Variants in IL5RA observed in about 807,000 individuals in gnomAD.
IL5RA encodes interleukin 5 receptor subunit alpha.
In IL5RA, 49 loss-of-function variants were observed where a neutral mutation model predicts 50.0. The observed-to-expected ratio is 0.98, with a 90% CI of 0.78 to 1.24. The LOEUF is 1.24. IL5RA is among the 50% of genes most tolerant of loss of function. The pLI, the probability that IL5RA is intolerant of heterozygous loss-of-function variation, is 0.00. For synonymous variants in IL5RA, 202 were observed against 174.0 expected, an observed-to-expected ratio of 1.16 and a Z score of -1.26; for missense variants, 600 against 500.4, an observed-to-expected ratio of 1.20 and a Z score of -1.90.
At chr3:3,088,811 A>T (rs766312464) in intron 9 of IL5RA, among the ~76,000 whole-genome samples, 18 of 152,348 alleles carry the variant, frequency 1.2e-4, no homozygotes, top group Non-Finnish European at 1.8e-4. Context: ...AGAAATAGCA[A>T]TAGTTTTGAG....
intron 2 of IL5RA, 36 bp from the exon 3 acceptor site, chr3:3,105,023 T>C: frequency 7.2e-7 from 1 of 1,398,462 alleles, no homozygotes; most frequent in Non-Finnish European, 1.0e-6. Context: ...AATCATCTTG[T>C]TGCTATTTTT....
At chr3:3,084,973 G>A (rs868209202) in intron 9 of IL5RA, among the ~76,000 whole-genome samples, 1 of 152,268 alleles carries the variant, frequency 6.6e-6, no homozygotes, top group Non-Finnish European at 1.5e-5. Flanking sequence ...AGAGGTGGCT[G>A]CGCCTGAAAG....
intron 8 of IL5RA, among the ~76,000 whole-genome samples, chr3:3,094,259 C>T (rs1050023825): frequency 4.6e-5 from 7 of 152,298 alleles, no homozygotes; most frequent in Non-Finnish European, 4.4e-5. Context: ...ACCCATTAAA[C>T]AATACCTCTC....
At chr3:3,090,187 G>A (rs1258488133) in intron 9 of IL5RA, 6 of 1,607,724 alleles carry the variant, frequency 3.7e-6, no homozygotes, top group Non-Finnish European at 3.4e-6. Context: ...TGCTATCCCT[G>A]CTGTTGTTTT....
At chr3:3,088,276 A>T (rs1702952942) in intron 9 of IL5RA, among the ~76,000 whole-genome samples, 1 of 152,164 alleles carries the variant, frequency 6.6e-6, no homozygotes, top group South Asian at 2.1e-4. Flanking sequence ...TGAATGGCAG[A>T]GGTGGAAGCA....
chr3:3,087,663 G>T (rs1295485103), intron 9 of IL5RA, among the ~76,000 whole-genome samples: 5 of 151,500 alleles, frequency 3.3e-5, no homozygotes, highest in African/African-American at 7.3e-5. Context: ...ACTATGAAAG[G>T]GTTGATATTT....
intron 9 of IL5RA, among the ~76,000 whole-genome samples, chr3:3,090,546 CTTT>C (rs10711626): frequency 7.6e-6 from 1 of 131,612 alleles, no homozygotes; most frequent in African/African-American, 2.9e-5. Flanking sequence ...TTTGAATTTT[CTTT>C]TTTTTTTTTT....
chr3:3,091,029 G>C (rs775321461), intron 9 of IL5RA, among the ~76,000 whole-genome samples: 40 of 152,108 alleles, frequency 2.6e-4, no homozygotes, highest in Non-Finnish European at 4.3e-4. Context: ...TGACAGAGAC[G>C]ATGCCCATCT....
At chr3:3,086,240 G>A (rs1702857412) in intron 9 of IL5RA, among the ~76,000 whole-genome samples, 1 of 152,140 alleles carries the variant, frequency 6.6e-6, no homozygotes, top group African/African-American at 2.4e-5. Context: ...TATGACTATG[G>A]AAAAATTTAT....
chr3:3,102,020 C>T (rs1047847323), intron 4 of IL5RA, among the ~76,000 whole-genome samples, 190 bp from the exon 5 acceptor site: 3 of 152,142 alleles, frequency 2.0e-5, no homozygotes, highest in Admixed American at 6.5e-5. Flanking sequence ...GACACATGAA[C>T]GCATTATTCT....
chr3:3,088,427 G>A (rs1037032301), intron 9 of IL5RA, among the ~76,000 whole-genome samples: 22 of 152,294 alleles, frequency 1.4e-4, no homozygotes, highest in Admixed American at 7.8e-4. Context: ...AGGAGATCAC[G>A]ATTCCTTCTG....
At chr3:3,109,122 T>C (rs1353978073) in intron 1 of IL5RA, among the ~76,000 whole-genome samples, 1 of 152,124 alleles carries the variant, frequency 6.6e-6, no homozygotes, top group Non-Finnish European at 1.5e-5. Context: ...TAAAATATTC[T>C]CGCTCTGTCT....
intron 7 of IL5RA, among the ~76,000 whole-genome samples, chr3:3,096,651 T>C (rs981278868): frequency 3.9e-5 from 6 of 152,216 alleles, no homozygotes; most frequent in Admixed American, 3.3e-4. Context: ...CATATTAATA[T>C]CATTGTTTCC....
chr3:3,099,689 G>T (rs1316756822), intron 5 of IL5RA, among the ~76,000 whole-genome samples: 1 of 69,396 alleles, frequency 1.4e-5, no homozygotes, highest in Non-Finnish European at 3.1e-5. Flanking sequence ...ATTATTATTT[G>T]GAAACAGAGT....
At chr3:3,077,629 C>T (rs1393932955) in intron 9 of IL5RA, among the ~76,000 whole-genome samples, 1 of 152,054 alleles carries the variant, frequency 6.6e-6, no homozygotes, top group East Asian at 1.9e-4. Flanking sequence ...ATTAGCCAGG[C>T]GTGGTGGCAG....
intron 8 of IL5RA, among the ~76,000 whole-genome samples, chr3:3,093,295 T>C (rs1703212229): frequency 6.6e-6 from 1 of 151,898 alleles, no homozygotes; most frequent in Admixed American, 6.5e-5. Flanking sequence ...AGCATAAAGT[T>C]ACTCCTTTTC....
chr3:3,072,781 G>A (rs367619813), intron 11 of IL5RA, among the ~76,000 whole-genome samples: 53 of 152,240 alleles, frequency 3.5e-4, no homozygotes, highest in East Asian at 1.7e-3. Flanking sequence ...GCGTGGTGGC[G>A]GGCACCTGTA....
At chr3:3,097,525 G>A (rs1008960203) in intron 7 of IL5RA, among the ~76,000 whole-genome samples, 1 of 152,062 alleles carries the variant, frequency 6.6e-6, no homozygotes, top group Non-Finnish European at 1.5e-5. Context: ...TTCTCAACTG[G>A]GGGAAATTTT....
rs1242300332 is a variant in IL5RA at position 3,108,647 on chromosome 3, C to G, written c.-101G>C. ...ATGCTCGTGGCTGCAACCCCAGCAT[C>G]TAGCATAGCGTCAGGCACAGGACCA... On this transcript the variant is annotated 5_prime_UTR_variant, in exon 2 of 12. Transcript: ENST00000446632. 1 of 152,230 alleles carries G rather than the reference C, an allele frequency of 6.6e-6. No homozygotes were observed. Among genetic ancestry groups the G allele is most frequent in the Admixed American group, 6.5e-5 (1 of 15,278 alleles). 9.4% of individuals were successfully genotyped at this position (152,230 alleles called of 1,614,324 possible). A position where few individuals can be genotyped will look rare whatever the true frequency, so the allele number is the denominator to read the frequency against.
Sources: allele counts gnomAD v4.1 joint callset (sites outside exome capture counted in the v4.1 genomes callset), GRCh38; gene constraint gnomAD v4.1.1; transcripts MANE v1.5; gene names NCBI Gene and HGNC (gene_info 2026-07-23, HGNC 2026-07-21).